Variants in NRXN3 observed in about 807,000 individuals in gnomAD.
The protein encoded by NRXN3 is neurexin 3.
In NRXN3, 32 loss-of-function variants were observed where a neutral mutation model predicts 137.6. The observed-to-expected ratio is 0.23, with a 90% CI of 0.18 to 0.31. NRXN3 has a LOEUF of 0.31. Among genes scored for constraint, NRXN3 ranks in the 10% least tolerant of loss-of-function variants. The pLI is 1.00. For missense variants in NRXN3, 1,574 were observed against 2,062.5 expected (o/e 0.76, Z 4.59); for synonymous variants, 798 against 784.5 (o/e 1.02, Z -0.29).
chr14:78,794,940 A>AC (rs1555499206), intron 8 of NRXN3, among the ~76,000 whole-genome samples: 4,145 of 148,438 alleles, frequency 0.028, 104 homozygotes, highest in East Asian at 0.09. Context: ...AAACAAACAA[A>AC]AAAAAAAGTA....
At position 78,364,526 on chromosome 14, in the gene NRXN3, A is replaced by G. The variant is rs190407457; in HGVS notation, c.757+66666A>G. On this transcript the variant is annotated intron_variant, in intron 4 of 20. Transcript: ENST00000335750. ...TATTTTTACCTATTTTTATATGTGG[A>G]TTGACACTGGCATTTTCAAATAATC... 4.6e-5 allele frequency among the ~76,000 whole-genome samples: 7 copies of G among 152,342 alleles called. No homozygotes were observed. In the East Asian group the frequency reaches 1.3e-3, roughly 29 times the overall value.
chr14:79,465,078 C>T (rs1047268394), intron 15 of NRXN3, among the ~76,000 whole-genome samples: 3 of 152,110 alleles, frequency 2.0e-5, no homozygotes, highest in Admixed American at 1.3e-4. Context: ...TGAAATGTCA[C>T]AGGCTGATTT....
chr14:79,387,536 T>C (rs2094673960), intron 15 of NRXN3, among the ~76,000 whole-genome samples: 2 of 152,274 alleles, frequency 1.3e-5, no homozygotes, highest in Admixed American at 6.5e-5. Context: ...ATTGTAGAAG[T>C]CAGTGTGGCG....
chr14:79,834,129 G>A (rs1344566915), intron 20 of NRXN3, among the ~76,000 whole-genome samples: 2 of 152,120 alleles, frequency 1.3e-5, no homozygotes, highest in African/African-American at 2.4e-5. Context: ...AATCCAGAGA[G>A]TTGGTAGTTA....
At chr14:78,532,418 T>TGTGTGTGTGTG (rs2096480473) in intron 4 of NRXN3, among the ~76,000 whole-genome samples, 1 of 148,732 alleles carries the variant, frequency 6.7e-6, no homozygotes, top group African/African-American at 2.5e-5. Flanking sequence ...TGTGTGTGTG[T>TGTGTGTGTGTG]TTTAGTTCTC....
At chr14:78,751,111 G>T (rs1371173744) in intron 8 of NRXN3, among the ~76,000 whole-genome samples, 1 of 152,134 alleles carries the variant, frequency 6.6e-6, no homozygotes, top group Non-Finnish European at 1.5e-5. Flanking sequence ...TATAATACCA[G>T]CTATGCTCAA....
intron 10 of NRXN3, among the ~76,000 whole-genome samples, chr14:78,843,884 T>G (rs757545961): frequency 6.6e-6 from 1 of 152,126 alleles, no homozygotes. Flanking sequence ...TTCTCAGGTC[T>G]GCAGCCTTGC....
intron 15 of NRXN3, among the ~76,000 whole-genome samples, chr14:79,302,733 C>T (rs1272623863): frequency 6.6e-6 from 1 of 152,010 alleles, no homozygotes; most frequent in Admixed American, 6.6e-5. Flanking sequence ...CTGTCTCACT[C>T]TCCTGCTGCC....
intron 15 of NRXN3, among the ~76,000 whole-genome samples, chr14:79,463,383 ACT>A (rs750952650): frequency 7.6e-4 from 115 of 151,890 alleles, no homozygotes; most frequent in Non-Finnish European, 1.3e-3. Flanking sequence ...ATACCAAAAC[ACT>A]CTGTCAATAT....
intron 4 of NRXN3, among the ~76,000 whole-genome samples, chr14:78,534,427 AAAG>A (rs2096510514): frequency 1.3e-5 from 2 of 152,240 alleles, no homozygotes; most frequent in South Asian, 4.1e-4. Flanking sequence ...ATAAGATTTT[AAAG>A]AATGTCATAA....
intron 15 of NRXN3, among the ~76,000 whole-genome samples, chr14:79,436,177 G>A (rs113813768): frequency 5.3e-5 from 8 of 152,166 alleles, no homozygotes; most frequent in East Asian, 1.9e-4. Flanking sequence ...GGAATAAAGG[G>A]CCTTTATAAT....
At chr14:78,536,142 G>T (rs2096533337) in intron 4 of NRXN3, among the ~76,000 whole-genome samples, 1 of 152,128 alleles carries the variant, frequency 6.6e-6, no homozygotes, top group Non-Finnish European at 1.5e-5. Context: ...GCATTTTTCT[G>T]CCTGGGGGCT....
At chr14:79,678,527 T>G (rs1342930998) in intron 17 of NRXN3, among the ~76,000 whole-genome samples, 1 of 152,114 alleles carries the variant, frequency 6.6e-6, no homozygotes, top group Non-Finnish European at 1.5e-5. Context: ...CAAAAGTAAA[T>G]CTTTGGACAG....
At chr14:78,805,704 A>G (rs931577665) in intron 9 of NRXN3, among the ~76,000 whole-genome samples, 1 of 152,136 alleles carries the variant, frequency 6.6e-6, no homozygotes, top group Admixed American at 6.5e-5. Flanking sequence ...TCAGAGAGAG[A>G]CAAACATATG....
intron 4 of NRXN3, among the ~76,000 whole-genome samples, chr14:78,626,114 G>T (rs1050866805): frequency 4.6e-5 from 7 of 152,126 alleles, no homozygotes; most frequent in African/African-American, 1.7e-4. Flanking sequence ...AACTTTTAAG[G>T]CAGCAAGGCA....
At chr14:78,840,689 G>T (rs2099009950) in intron 10 of NRXN3, among the ~76,000 whole-genome samples, 1 of 152,144 alleles carries the variant, frequency 6.6e-6, no homozygotes, top group African/African-American at 2.4e-5. Context: ...GGTGAATTCT[G>T]ACTGGCTTTG....
chr14:79,791,987 C>A (rs2099146804), intron 19 of NRXN3, among the ~76,000 whole-genome samples: 1 of 152,174 alleles, frequency 6.6e-6, no homozygotes, highest in African/African-American at 2.4e-5. Context: ...TCCGTCAGGC[C>A]ATACTTATGT....
chr14:79,584,187 C>G (rs957955900), intron 16 of NRXN3, among the ~76,000 whole-genome samples: 3 of 152,106 alleles, frequency 2.0e-5, no homozygotes, highest in Non-Finnish European at 4.4e-5. Flanking sequence ...AACTACTACT[C>G]CTAGCCCCCA....
intron 15 of NRXN3, among the ~76,000 whole-genome samples, chr14:79,222,389 G>C (rs2069924260): frequency 6.6e-6 from 1 of 152,036 alleles, no homozygotes; most frequent in African/African-American, 2.4e-5. Context: ...ATGTTCCCTT[G>C]TCTGGATGTA....
Sources: gnomAD v4.1 joint callset for allele counts (sites outside exome capture counted in the v4.1 genomes callset) on GRCh38, gnomAD v4.1.1 for gene constraint, MANE v1.5 for transcripts, NCBI Gene and HGNC (gene_info 2026-07-23, HGNC 2026-07-21) for gene names.